DCC: variants seen among roughly 807,000 people sequenced by gnomAD.
DCC encodes the protein netrin receptor DCC.
A neutral mutation model predicts 172.5 loss-of-function variants in DCC; 58 were observed. The ratio of observed to expected loss-of-function variants is 0.34; its 90% confidence interval spans 0.27 to 0.42. The LOEUF is 0.42. Among genes scored for constraint, DCC ranks in the 10% least tolerant of loss-of-function variants. The pLI is 1.00. For synonymous variants in DCC, 709 were observed against 644.5 expected (o/e 1.10, Z -1.52); for missense variants, 1,740 against 1,791.0 (o/e 0.97, Z 0.51).
At chr18:53,231,543 TGATATAA>T (rs2056121325) in intron 12 of DCC, among the ~76,000 whole-genome samples, 1 of 152,102 alleles carries the variant, frequency 6.6e-6, no homozygotes, top group South Asian at 2.1e-4. Flanking sequence ...TTGTGACCAA[TGATATAA>T]TGAGTTTGAG....
intron 1 of DCC, among the ~76,000 whole-genome samples, chr18:52,584,876 A>C (rs2033636838): frequency 6.6e-6 from 1 of 152,112 alleles, no homozygotes; most frequent in South Asian, 2.1e-4. Flanking sequence ...ACCTCACTTA[A>C]TCACCCAATG....
At chr18:53,511,825 C>T (rs899328216) in intron 27 of DCC, among the ~76,000 whole-genome samples, 6 of 151,590 alleles carry the variant, frequency 4.0e-5, no homozygotes, top group Middle Eastern at 3.4e-3. Context: ...CACGGAGTCT[C>T]GCTGATTGCT....
intron 1 of DCC, among the ~76,000 whole-genome samples, chr18:52,645,458 A>C (rs2035000972): frequency 6.6e-6 from 1 of 152,216 alleles, no homozygotes; most frequent in Non-Finnish European, 1.5e-5. Context: ...ATCTCTCAAA[A>C]ATGGCATGAG....
intron 1 of DCC, among the ~76,000 whole-genome samples, chr18:52,520,784 T>C (rs1382788644): frequency 6.6e-6 from 1 of 152,200 alleles, no homozygotes; most frequent in Non-Finnish European, 1.5e-5. Flanking sequence ...AATCAAAGTA[T>C]TCTTTCCATT....
chr18:53,490,636 G>T (rs1187023745), intron 26 of DCC, among the ~76,000 whole-genome samples: 1 of 152,168 alleles, frequency 6.6e-6, no homozygotes, highest in Non-Finnish European at 1.5e-5. Context: ...GACAAAAGCA[G>T]GTTTCTTTGC....
chr18:53,208,601 G>T (rs1040230700), intron 11 of DCC, among the ~76,000 whole-genome samples: 1 of 152,110 alleles, frequency 6.6e-6, no homozygotes, highest in African/African-American at 2.4e-5. Flanking sequence ...TATTAAAATT[G>T]AGCATGAAAA....
At chr18:52,915,279 T>A (rs899949786) in intron 3 of DCC, among the ~76,000 whole-genome samples, 1 of 152,132 alleles carries the variant, frequency 6.6e-6, no homozygotes, top group Non-Finnish European at 1.5e-5. Context: ...CAGGATACAT[T>A]TGATCACATC....
At chr18:53,027,081 C>G (rs529769111) in intron 5 of DCC, among the ~76,000 whole-genome samples, 4 of 152,212 alleles carry the variant, frequency 2.6e-5, no homozygotes, top group Admixed American at 2.6e-4. Context: ...CATTCTTAAG[C>G]TGACAGAGTG....
chr18:52,373,694 A>G (rs1005483661), intron 1 of DCC, among the ~76,000 whole-genome samples: 4 of 151,974 alleles, frequency 2.6e-5, no homozygotes, highest in African/African-American at 9.7e-5. Flanking sequence ...AAAGTTAACC[A>G]AGTTTGATTT....
At chr18:53,208,887 C>T (rs2055701635) in intron 11 of DCC, among the ~76,000 whole-genome samples, 1 of 152,170 alleles carries the variant, frequency 6.6e-6, no homozygotes, top group South Asian at 2.1e-4. Flanking sequence ...CATGCCACCA[C>T]CCCTGGCTAG....
chr18:52,936,908 A>G (rs12458638), intron 5 of DCC, among the ~76,000 whole-genome samples: 58,030 of 152,056 alleles, frequency 0.38, 11,526 homozygotes, highest in East Asian at 0.57. Flanking sequence ...TTCTTCATAC[A>G]CTTTTAAATA....
intron 2 of DCC, among the ~76,000 whole-genome samples, chr18:52,768,220 TTAGA>T (rs1291243399): frequency 1.3e-5 from 2 of 152,200 alleles, no homozygotes; most frequent in African/African-American, 4.8e-5. Flanking sequence ...GGCTTGACAT[TTAGA>T]GTGTAAGGTC....
At position 53,495,118 on chromosome 18, in the gene DCC, G is replaced by A. The variant is rs768646334; in HGVS notation, c.3899-4180G>A. Reference sequence around the variant, plus strand: ...TTGAAAATTCTTTAAGAGGCCAGGCGTGGTGACTCATGCCTGTAATCCCAG... The same window carrying A: ...TTGAAAATTCTTTAAGAGGCCAGGCATGGTGACTCATGCCTGTAATCCCAG... On this transcript the variant is annotated intron_variant, in intron 26 of 28. Transcript: ENST00000442544. 1.7e-4 allele frequency among the ~76,000 whole-genome samples: 26 copies of A among 152,168 alleles called. No homozygotes were observed. In the Middle Eastern group the frequency reaches 0.01, roughly 60 times the overall value.
intron 1 of DCC, among the ~76,000 whole-genome samples, chr18:52,342,491 G>T (rs891676463): frequency 2.0e-5 from 3 of 152,046 alleles, no homozygotes; most frequent in Non-Finnish European, 4.4e-5. Context: ...CCACAGTAAT[G>T]AATAGGTGTC....
intron 8 of DCC, among the ~76,000 whole-genome samples, chr18:53,164,244 ATTG>A (rs2054884184): frequency 6.6e-6 from 1 of 152,078 alleles, no homozygotes; most frequent in Non-Finnish European, 1.5e-5. Context: ...GTGAATTTTT[ATTG>A]TTGTATTTAT....
At chr18:52,946,658 A>C (rs763315250) in intron 5 of DCC, among the ~76,000 whole-genome samples, 1 of 152,172 alleles carries the variant, frequency 6.6e-6, no homozygotes, top group East Asian at 1.9e-4. Flanking sequence ...AAGCTCCACA[A>C]TGCAAACACA....
intron 5 of DCC, among the ~76,000 whole-genome samples, chr18:53,013,427 A>G (rs923841423): frequency 7.9e-5 from 12 of 152,148 alleles, no homozygotes; most frequent in African/African-American, 2.9e-4. Context: ...CATCATCCTC[A>G]GCAAACTAAC....
intron 12 of DCC, among the ~76,000 whole-genome samples, chr18:53,302,511 A>G (rs2057153147): frequency 6.6e-6 from 1 of 151,982 alleles, no homozygotes; most frequent in African/African-American, 2.4e-5. Context: ...ATCACATTAC[A>G]ATTTTCTTCA....
intron 1 of DCC, among the ~76,000 whole-genome samples, chr18:52,732,975 A>G (rs2036668056): frequency 6.6e-6 from 1 of 152,162 alleles, no homozygotes; most frequent in Admixed American, 6.5e-5. Flanking sequence ...TGAGTTAATA[A>G]TTAATGTAAC....
Sources: allele counts gnomAD v4.1 joint callset (sites outside exome capture counted in the v4.1 genomes callset), GRCh38; gene constraint gnomAD v4.1.1; transcripts MANE v1.5; gene names NCBI Gene and HGNC (gene_info 2026-07-23, HGNC 2026-07-21).